Variants in STXBP6 observed in about 807,000 individuals in gnomAD.
STXBP6 encodes the protein syntaxin binding protein 6.
In STXBP6, 21 loss-of-function variants were observed where a neutral mutation model predicts 26.9. The observed-to-expected ratio is 0.78, with a 90% CI of 0.55 to 1.12. The LOEUF (loss-of-function observed/expected upper bound fraction) is 1.12. Among genes scored for constraint, STXBP6 ranks in the 50% most tolerant of loss-of-function variants. The pLI is 0.00. For missense variants in STXBP6, 232 were observed against 257.9 expected, an observed-to-expected ratio of 0.90 and a Z score of 0.69; for synonymous variants, 97 against 92.6, an observed-to-expected ratio of 1.05 and a Z score of -0.27.
intron 4 of STXBP6, among the ~76,000 whole-genome samples, chr14:24,836,476 T>C (rs2068617676): frequency 6.6e-6 from 1 of 151,688 alleles, no homozygotes; most frequent in South Asian, 2.1e-4. Flanking sequence ...CGGGTGCCTG[T>C]AATCCCAGCT....
intron 2 of STXBP6, among the ~76,000 whole-genome samples, chr14:24,970,575 C>A (rs2073878624): frequency 6.6e-6 from 1 of 152,026 alleles, no homozygotes; most frequent in Admixed American, 6.6e-5. Context: ...CTTTTTACTG[C>A]AAGGTAGTAT....
chr14:24,881,770 T>G (rs2070365130), intron 2 of STXBP6, among the ~76,000 whole-genome samples: 1 of 152,140 alleles, frequency 6.6e-6, no homozygotes, highest in African/African-American at 2.4e-5. Context: ...CTAGCTCCAG[T>G]CATCACTCTG....
At chr14:24,844,972 T>G (rs985000840) in intron 4 of STXBP6, among the ~76,000 whole-genome samples, 1 of 152,056 alleles carries the variant, frequency 6.6e-6, no homozygotes, top group Non-Finnish European at 1.5e-5. Flanking sequence ...AAGAATGATT[T>G]TTAACAAAAT....
chr14:25,039,513 C>G (rs928042598), intron 1 of STXBP6, among the ~76,000 whole-genome samples: 1 of 152,138 alleles, frequency 6.6e-6, no homozygotes, highest in African/African-American at 2.4e-5. Context: ...TATCTTATGT[C>G]TCTCTCTGGG....
At chr14:24,884,665 T>C (rs765927132) in intron 2 of STXBP6, among the ~76,000 whole-genome samples, 2 of 152,178 alleles carry the variant, frequency 1.3e-5, no homozygotes, top group Non-Finnish European at 2.9e-5. Flanking sequence ...TGCACCAAAG[T>C]AGTTCTCCTG....
chr14:24,895,187 A>G (rs2139575010), intron 2 of STXBP6, among the ~76,000 whole-genome samples: 1 of 152,340 alleles, frequency 6.6e-6, no homozygotes, highest in South Asian at 2.1e-4. Flanking sequence ...TTCCAATATC[A>G]GCAGCAAAGG....
intron 1 of STXBP6, among the ~76,000 whole-genome samples, chr14:25,000,896 G>A (rs2074745208): frequency 1.3e-5 from 2 of 151,836 alleles, no homozygotes; most frequent in African/African-American, 4.8e-5. Context: ...TACTACAGCT[G>A]TCCATACTTT....
intron 2 of STXBP6, among the ~76,000 whole-genome samples, chr14:24,870,086 A>C (rs2069872391): frequency 6.6e-6 from 1 of 152,192 alleles, no homozygotes; most frequent in African/African-American, 2.4e-5. Flanking sequence ...AATTTATTGA[A>C]GGTTCATGCA....
At position 24,811,169 on chromosome 14, in the gene STXBP6, T is replaced by C. The variant is rs2067812977; in HGVS notation, c.*1540A>G. 6.6e-6 allele frequency: 1 copy of C among 152,170 alleles called. No individual in the cohort carries two copies. The highest frequency in any genetic ancestry group is 2.4e-5 in the African/African-American group (1 of 41,440). The allele number at this position is 152,170 out of a possible 1,614,324, so 9.4% of individuals were successfully genotyped here. On this transcript the variant is annotated 3_prime_UTR_variant, in exon 6 of 6. Coordinates refer to ENST00000323944, the MANE Select transcript of STXBP6 (RefSeq NM_001394410.1). Reference sequence around the variant, plus strand: ...CTCATCTCCCTTTTAATGTGCACCATCTGATATTTTTACCCCCAGTAGACA... The same window carrying C: ...CTCATCTCCCTTTTAATGTGCACCACCTGATATTTTTACCCCCAGTAGACA...
chr14:24,911,136 G>T (rs931590843), intron 2 of STXBP6, among the ~76,000 whole-genome samples: 7 of 151,928 alleles, frequency 4.6e-5, no homozygotes, highest in African/African-American at 1.7e-4. Context: ...ACCAACCTGG[G>T]CAACATAGTG....
At chr14:24,967,327 A>C (rs2073766306) in intron 2 of STXBP6, among the ~76,000 whole-genome samples, 1 of 152,180 alleles carries the variant, frequency 6.6e-6, no homozygotes, top group Non-Finnish European at 1.5e-5. Context: ...TGCCACCCTG[A>C]CTGTATGAGC....
intron 2 of STXBP6, among the ~76,000 whole-genome samples, chr14:24,886,173 A>G (rs2070578775): frequency 6.6e-6 from 1 of 152,144 alleles, no homozygotes; most frequent in African/African-American, 2.4e-5. Flanking sequence ...TGAGTTCACA[A>G]AAAAGGAGGG....
At chr14:24,997,195 C>A (rs2074626887) in intron 1 of STXBP6, among the ~76,000 whole-genome samples, 1 of 152,026 alleles carries the variant, frequency 6.6e-6, no homozygotes. Context: ...TGTGCGTAGC[C>A]CTCACCATTT....
intron 2 of STXBP6, among the ~76,000 whole-genome samples, chr14:24,940,709 AAT>A (rs2072771341): frequency 6.6e-6 from 1 of 152,114 alleles, no homozygotes; most frequent in Non-Finnish European, 1.5e-5. Context: ...CCCAACCCTA[AAT>A]AGACATTAAA....
In STXBP6 at chr14:24,827,527, A is replaced by G. The variant is rs569113989; in HGVS notation, c.452-8333T>C. 2.0e-5 allele frequency among the ~76,000 whole-genome samples: 3 copies of G among 152,172 alleles called. No individual in the cohort carries two copies. In the East Asian group the frequency reaches 5.8e-4, roughly 29 times the overall value. ...TCACCTACTCTTCTACTCTCAATTG[A>G]CCTGACTCTTAACCTCTCCAACATA... On this transcript the variant is annotated intron_variant, in intron 4 of 5. Coordinates refer to ENST00000323944, the MANE Select transcript of STXBP6 (RefSeq NM_001394410.1).
intron 2 of STXBP6, among the ~76,000 whole-genome samples, chr14:24,895,027 T>C (rs532368860): frequency 3.7e-4 from 56 of 152,294 alleles, no homozygotes; most frequent in Non-Finnish European, 5.7e-4. Flanking sequence ...TAAAATGAGA[T>C]TTTTTTCTAA....
At chr14:24,945,048 G>A (rs2072933849) in intron 2 of STXBP6, among the ~76,000 whole-genome samples, 1 of 149,216 alleles carries the variant, frequency 6.7e-6, no homozygotes, top group African/African-American at 2.5e-5. Flanking sequence ...CATGCGTGAT[G>A]TCTTGAAAGC....
At chr14:24,973,883 C>T (rs1434986854) in intron 2 of STXBP6, among the ~76,000 whole-genome samples, 1 of 152,006 alleles carries the variant, frequency 6.6e-6, no homozygotes, top group African/African-American at 2.4e-5. Context: ...CCCAAAACTA[C>T]AATTGAAGGA....
chr14:25,046,776 G>A (rs1054716044), intron 1 of STXBP6, among the ~76,000 whole-genome samples: 1 of 152,162 alleles, frequency 6.6e-6, no homozygotes, highest in Non-Finnish European at 1.5e-5. Flanking sequence ...TGGCGTGGGG[G>A]AAAAGGAAAA....
Sources: gnomAD v4.1 joint callset for allele counts (sites outside exome capture counted in the v4.1 genomes callset) on GRCh38, gnomAD v4.1.1 for gene constraint, MANE v1.5 for transcripts, NCBI Gene and HGNC (gene_info 2026-07-23, HGNC 2026-07-21) for gene names.